The following MBTD1 variants were observed in gnomAD, a reference collection of about 807,000 sequenced individuals.
The protein encoded by MBTD1 is mbt domain containing 1.
MBTD1 carries 24 observed loss-of-function variants against 87.8 expected under a neutral mutation model. The observed-to-expected ratio is 0.27, with a 90% confidence interval of 0.20 to 0.38. The LOEUF (loss-of-function observed/expected upper bound fraction) is 0.38. Among genes scored for constraint, MBTD1 ranks in the 10% least tolerant of loss-of-function variants. The pLI is 1.00. For synonymous variants in MBTD1, 237 were observed against 248.6 expected (o/e 0.95, Z 0.44); for missense variants, 436 against 760.2 (o/e 0.57, Z 5.02).
chr17:51,199,918 G>A (rs540895785), intron 12 of MBTD1, among the ~76,000 whole-genome samples: 4 of 151,654 alleles, frequency 2.6e-5, no homozygotes, highest in African/African-American at 7.3e-5. Flanking sequence ...TCCACCTCCC[G>A]GGTTCAAGTG....
chr17:51,260,881 C>G (rs996361104), upstream of MBTD1: 5 of 1,599,932 alleles, frequency 3.1e-6, no homozygotes, highest in Non-Finnish European at 4.3e-6. Flanking sequence ...TCGGCGACGT[C>G]GAGAACGACG....
chr17:51,214,045 GTGTA>G (rs1297262358), intron 6 of MBTD1, among the ~76,000 whole-genome samples: 1 of 152,046 alleles, frequency 6.6e-6, no homozygotes, highest in Non-Finnish European at 1.5e-5. Flanking sequence ...ATATGTGTGT[GTGTA>G]TGTGTGTATA....
chr17:51,200,559 C>CAA (rs34253360), intron 12 of MBTD1, among the ~76,000 whole-genome samples: 2,199 of 62,074 alleles, frequency 0.035, 195 homozygotes, highest in African/African-American at 0.099. Flanking sequence ...GATACCATCT[C>CAA]AAAAAAAAAA....
chr17:51,254,494 T>C (rs2054969727), intron 2 of MBTD1, among the ~76,000 whole-genome samples: 1 of 152,194 alleles, frequency 6.6e-6, no homozygotes, highest in Non-Finnish European at 1.5e-5. Flanking sequence ...AATGGAAAAG[T>C]ACCCAGGAGA....
intron 2 of MBTD1, among the ~76,000 whole-genome samples, chr17:51,240,581 A>T (rs2054107438): frequency 6.6e-6 from 1 of 152,198 alleles, no homozygotes; most frequent in Non-Finnish European, 1.5e-5. Context: ...TGTCCTTTGT[A>T]TCAGAGCATT....
At position 51,190,573 on chromosome 17, in the gene MBTD1, C is replaced by G. The variant is rs144613936; in HGVS notation, c.1768+1630G>C. Among the ~76,000 whole-genome samples, 17 of 148,580 alleles carry G rather than the reference C, an allele frequency of 1.1e-4. 1 individual carries two copies. In the East Asian group the frequency reaches 3.0e-3, roughly 26 times the overall value. On this transcript the variant is annotated intron_variant, in intron 16 of 16. Coordinates refer to ENST00000586178, the MANE Select transcript of MBTD1 (RefSeq NM_017643.3). Reference sequence around the variant, plus strand: ...CACCATTTCTATAAAAATATAAAAACGAGTTGGGCATGGTGGTATACTCCT... The same window carrying G: ...CACCATTTCTATAAAAATATAAAAAGGAGTTGGGCATGGTGGTATACTCCT...
At chr17:51,236,935 A>G (rs2053873408) in intron 2 of MBTD1, among the ~76,000 whole-genome samples, 1 of 152,192 alleles carries the variant, frequency 6.6e-6, no homozygotes, top group East Asian at 1.9e-4. Flanking sequence ...AACTTCTGGG[A>G]AAAATATTAA....
At chr17:51,239,767 AAAC>A (rs1459891386) in intron 2 of MBTD1, among the ~76,000 whole-genome samples, 1 of 152,174 alleles carries the variant, frequency 6.6e-6, no homozygotes, top group Non-Finnish European at 1.5e-5. Flanking sequence ...AAAACAAAAA[AAAC>A]AAAAAAAAAA....
At chr17:51,236,150 T>C (rs544716297) in intron 2 of MBTD1, among the ~76,000 whole-genome samples, 1 of 152,340 alleles carries the variant, frequency 6.6e-6, no homozygotes, top group African/African-American at 2.4e-5. Context: ...CTACAGAATC[T>C]ATATATATCT....
At chr17:51,248,861 T>G (rs937257095) in intron 2 of MBTD1, among the ~76,000 whole-genome samples, 1 of 152,206 alleles carries the variant, frequency 6.6e-6, no homozygotes, top group Non-Finnish European at 1.5e-5. Flanking sequence ...CAATGTCCTT[T>G]TGCTTTTTGA....
At chr17:51,192,696 G>A in intron 15 of MBTD1, 86 bp downstream of exon 15, 1 of 1,569,234 alleles carries the variant, frequency 6.4e-7, no homozygotes, top group Non-Finnish European at 8.6e-7. Flanking sequence ...CTTGTCCTGT[G>A]AGCTCATAAG....
At chr17:51,242,291 C>T (rs2144043063) in intron 2 of MBTD1, among the ~76,000 whole-genome samples, 1 of 152,286 alleles carries the variant, frequency 6.6e-6, no homozygotes, top group Middle Eastern at 3.4e-3. Flanking sequence ...AAGCCATCCC[C>T]ACAGGGTTTT....
intron 12 of MBTD1, among the ~76,000 whole-genome samples, chr17:51,195,976 T>C (rs544817361): frequency 4.9e-4 from 75 of 152,012 alleles, no homozygotes; most frequent in South Asian, 1.0e-3. Context: ...GGTGCGAACA[T>C]GGCCCACTGC....
At chr17:51,220,887 A>T (rs2052849664) in intron 3 of MBTD1, among the ~76,000 whole-genome samples, 1 of 152,252 alleles carries the variant, frequency 6.6e-6, no homozygotes, top group South Asian at 2.1e-4. Context: ...GGCCTTTAAA[A>T]TACTGCAAAG....
chr17:51,192,820 T>C lies in MBTD1; in HGVS notation c.1652A>G (p.Gln551Arg), dbSNP rs2050877700. 1 of 1,614,060 alleles carries C rather than the reference T, an allele frequency of 6.2e-7. No homozygotes were observed. The highest frequency in any genetic ancestry group is 1.7e-5 in the Admixed American group (1 of 60,006). Residue 551 changes from glutamine (Q) to arginine (R), a missense_variant, in exon 15 of 17, where the codon CAG becomes CGG. Around this residue, in one of 5 missense-constraint regions of MBTD1, gnomAD observed 80 missense variants for 182.2 expected, o/e 0.44. Transcript: ENST00000586178. Reference sequence around the variant, plus strand: ...AGGCTGTAGTTGATATCCAGTTAACTGACACCACCCTACAGGATAGAGGTC... The same window carrying C: ...AGGCTGTAGTTGATATCCAGTTAACCGACACCACCCTACAGGATAGAGGTC... ...SPDLYPVGWC[Q>R]LTGYQLQPPA... is the part of the protein sequence containing the mutation.
chr17:51,201,256 A>G (rs1157829135), intron 12 of MBTD1, among the ~76,000 whole-genome samples: 3 of 152,334 alleles, frequency 2.0e-5, no homozygotes, highest in East Asian at 3.9e-4. Context: ...AAAAAGGCCT[A>G]AAGAGGAAAC....
intron 16 of MBTD1, among the ~76,000 whole-genome samples, chr17:51,187,781 A>C (rs1186221608): frequency 1.3e-5 from 2 of 151,310 alleles, no homozygotes; most frequent in Admixed American, 6.6e-5. Flanking sequence ...TCCGGGAGGC[A>C]GAGGTTGTGG....
Position 51,193,111 on chromosome 17 carries a change from T to A in MBTD1, c.1456-95A>T, listed in dbSNP as rs1035707168. 3.4e-5 allele frequency: 26 copies of A among 767,126 alleles called. No individual in the cohort carries two copies. The African/African-American group carries it at 4.0e-4, about 12-fold the overall frequency. 47.5% of individuals were successfully genotyped at this position (767,126 alleles called of 1,614,324 possible). A position where few individuals can be genotyped will look rare whatever the true frequency, so the allele number is the denominator to read the frequency against. On this transcript the variant is annotated intron_variant, in intron 14 of 16. Transcript: ENST00000586178. ...AAAGCAAAAAACAGAAGCGACTAGC[T>A]AAATAACATAATTATAAACCATAAA...
At chr17:51,244,710 C>T (rs952143590) in intron 2 of MBTD1, among the ~76,000 whole-genome samples, 1 of 151,532 alleles carries the variant, frequency 6.6e-6, no homozygotes, top group African/African-American at 2.4e-5. Context: ...GTCAGACCTC[C>T]TGTGTCCTTT....
Sources: allele counts gnomAD v4.1 joint callset (sites outside exome capture counted in the v4.1 genomes callset), GRCh38; gene constraint gnomAD v4.1.1; regional missense constraint gnomAD v4.1.1; transcripts MANE v1.5; gene names NCBI Gene and HGNC (gene_info 2026-07-23, HGNC 2026-07-21).